The following TOM1L1 variants were observed in gnomAD, a reference collection of about 807,000 sequenced individuals.
TOM1L1 encodes target of myb1 like 1 membrane trafficking protein.
TOM1L1 carries 64 observed loss-of-function variants against 63.4 expected under a neutral mutation model. That is an observed-to-expected ratio of 1.01 (90% CI 0.83 to 1.24). The LOEUF (loss-of-function observed/expected upper bound fraction) is 1.24. Among genes scored for constraint, TOM1L1 ranks in the 50% most tolerant of loss-of-function variants. The pLI is 0.00. For missense variants in TOM1L1, 536 were observed against 567.0 expected (o/e 0.95, Z 0.55); for synonymous variants, 166 against 194.4 (o/e 0.85, Z 1.22).
Position 54,936,653 on chromosome 17 carries a change from A to G in TOM1L1, c.859A>G (p.Thr287Ala). ...GCATTTTGATCATTTAAACAGGTTT[A>G]CTAGAAACCAACAAAGGATTTTGGA... Reference protein sequence around the residue: ...NNAILGYERFTRNQQRILEQN... With the variant: ...NNAILGYERFARNQQRILEQN... Residue 287 changes from threonine to alanine, a missense_variant, in exon 9 of 16, where the codon ACT becomes GCT. Thr to Ala is a moderately conservative substitution (Grantham distance 58). Transcript: ENST00000575882. 1 of 1,604,928 alleles carries G rather than the reference A, an allele frequency of 6.2e-7. No individual in the cohort carries two copies. The highest frequency in any genetic ancestry group is 8.5e-7 in the Non-Finnish European group (1 of 1,177,546).
chr17:54,914,623 T>C lies in TOM1L1; in HGVS notation c.499-16T>C. On this transcript the variant is annotated splice_polypyrimidine_tract_variant and intron_variant, in intron 5 of 15. Transcript: ENST00000575882. ...GTTAATTCACATAATAATATTACCATGTTTCATACTCATAGACTGCTCAAA... is the reference window on the plus strand; with the variant it reads ...GTTAATTCACATAATAATATTACCACGTTTCATACTCATAGACTGCTCAAA... 1.3e-6 allele frequency: 2 copies of C among 1,593,600 alleles called. No individual in the cohort carries two copies. Among genetic ancestry groups the C allele is most frequent in the East Asian group, 2.2e-5 (1 of 44,730 alleles).
rs1198548608 is a variant in TOM1L1 at position 54,900,898 on chromosome 17, C to T, written c.33C>T (p.Tyr11=). Residue 11 remains tyrosine, a synonymous_variant, in exon 1 of 16, where the codon TAC becomes TAT. Transcript: ENST00000575882. MAFGKSHRDP[Y]ATSVGHLIEK... ...TTGGCAAGAGTCACCGGGATCCCTA[C>T]GCGACCTCCGTGGGCCACCTCATAG... 19 of 1,613,712 alleles carry T rather than the reference C, an allele frequency of 1.2e-5. No individual in the cohort carries two copies. Among genetic ancestry groups the T allele is most frequent in the Non-Finnish European group, 1.6e-5 (19 of 1,180,026 alleles).
At chr17:54,936,467 C>T (rs2048948005) in intron 8 of TOM1L1, 182 bp from the exon 9 acceptor site, 2 of 474,576 alleles carry the variant, frequency 4.2e-6, no homozygotes, top group South Asian at 4.8e-5. Context: ...TCACAGTTTT[C>T]TCTGAGGGTA....
intron 8 of TOM1L1, among the ~76,000 whole-genome samples, chr17:54,932,465 G>A (rs972507588): frequency 3.9e-5 from 6 of 152,130 alleles, no homozygotes; most frequent in Non-Finnish European, 8.8e-5. Flanking sequence ...TTCTGCCTTT[G>A]AGTTTTTACT....
intron 14 of TOM1L1, chr17:54,957,257 GAGC>G (rs1174995791): frequency 1.3e-5 from 2 of 152,150 alleles, no homozygotes; most frequent in Non-Finnish European, 2.9e-5. Flanking sequence ...CTTAATTTAT[GAGC>G]AGATGTTAAG....
At chr17:54,945,976 C>A (rs1213571046) in intron 11 of TOM1L1, among the ~76,000 whole-genome samples, 1 of 152,112 alleles carries the variant, frequency 6.6e-6, no homozygotes, top group Non-Finnish European at 1.5e-5. Context: ...TATTAGGAGA[C>A]TCTTGGTCTT....
chr17:54,903,804 A>C lies in TOM1L1; in HGVS notation c.143+12A>C. On this transcript the variant is annotated intron_variant, in intron 2 of 15. Transcript: ENST00000575882. ...ACTACCCAGGATGGGTGAGTACAGC[A>C]TGGTTTCCATGTATTTGCCTCTGAC... 1 of 1,608,846 alleles carries C rather than the reference A, an allele frequency of 6.2e-7. No homozygotes were observed. The highest frequency in any genetic ancestry group is 1.1e-5 in the South Asian group (1 of 90,514).
intron 4 of TOM1L1, 62 bp from the exon 5 acceptor site, chr17:54,913,683 AAAG>A: frequency 4.2e-6 from 6 of 1,429,636 alleles, no homozygotes; most frequent in South Asian, 2.5e-5. Flanking sequence ...AAAAAAAAAA[AAAG>A]AATTGTGTTT....
intron 11 of TOM1L1, among the ~76,000 whole-genome samples, chr17:54,940,108 C>G (rs1010043656): frequency 6.6e-6 from 1 of 152,158 alleles, no homozygotes; most frequent in African/African-American, 2.4e-5. Context: ...GTTGCCCAGG[C>G]TGGTCTCAAA....
In TOM1L1 at chr17:54,903,703, G is replaced by A. The variant is rs752210953; in HGVS notation, c.59-5G>A. ...AGCTCAGACTCAACAGCTTTTTCTT[G>A]GCAGAAAAGGCTACATTTGCTGGAG... On this transcript the variant is annotated splice_polypyrimidine_tract_variant and splice_region_variant and intron_variant, in intron 1 of 15. Transcript: ENST00000575882. 1.2e-6 allele frequency: 2 copies of A among 1,613,150 alleles called. No individual in the cohort carries two copies. The highest frequency in any genetic ancestry group is 1.7e-6 in the Non-Finnish European group (2 of 1,179,184).
intron 4 of TOM1L1, 39 bp from the exon 5 acceptor site, chr17:54,913,709 T>C (rs1391493830): frequency 2.6e-6 from 4 of 1,547,438 alleles, no homozygotes; most frequent in Non-Finnish European, 3.5e-6. Flanking sequence ...GTTTTGTTGC[T>C]GTTTTAACTC....
At chr17:54,922,486 C>G (rs1319552628) in intron 7 of TOM1L1, among the ~76,000 whole-genome samples, 1 of 151,974 alleles carries the variant, frequency 6.6e-6, no homozygotes, top group Non-Finnish European at 1.5e-5. Flanking sequence ...GCCTGTGGTC[C>G]CAGCTACTGG....
rs2048537680 is a variant in TOM1L1, at chr17:54,913,800, T to A, written c.425T>A (p.Val142Glu). 6.2e-7 allele frequency: 1 copy of A among 1,612,436 alleles called. No homozygotes were observed. The highest frequency in any genetic ancestry group is 1.3e-5 in the African/African-American group (1 of 74,818). ...GGVDVSEVKE[V>E]YLDLVKKGVQ... ...GTGGATGTAAGCGAAGTCAAAGAAG[T>A]ATACCTCGACCTGGTTAAGAAAGGC... The change falls in exon 5 of 16, where the codon GTA becomes GAA. Residue 142 changes from valine (V) to glutamate (E), a missense_variant. Transcript: ENST00000575882.
chr17:54,935,709 T>G (rs959224107), intron 8 of TOM1L1, among the ~76,000 whole-genome samples: 3 of 152,194 alleles, frequency 2.0e-5, no homozygotes, highest in Non-Finnish European at 4.4e-5. Context: ...ACTTTGGACT[T>G]TTGCCTTCAA....
intron 3 of TOM1L1, among the ~76,000 whole-genome samples, chr17:54,908,850 T>G (rs1227827039): frequency 1.3e-5 from 2 of 152,204 alleles, no homozygotes; most frequent in East Asian, 3.8e-4. Flanking sequence ...TAGGCCTTTG[T>G]GGAGCACCCC....
chr17:54,958,305 T>C (rs2077003295), intron 14 of TOM1L1: 1 of 152,248 alleles, frequency 6.6e-6, no homozygotes, highest in Non-Finnish European at 1.5e-5. Context: ...TTGATGATTT[T>C]AGTAAAAGCT....
At chr17:54,942,326 C>G (rs1403164039) in intron 11 of TOM1L1, 1 of 148,894 alleles carries the variant, frequency 6.7e-6, no homozygotes, top group Non-Finnish European at 1.5e-5. Context: ...AGGCTGTGGT[C>G]TCAAACTCCT....
intron 11 of TOM1L1, 60 bp from the exon 12 acceptor site, chr17:54,947,197 TCTTA>T: frequency 1.3e-6 from 2 of 1,516,190 alleles, no homozygotes. Flanking sequence ...AGGAAAATTA[TCTTA>T]CTTTTTGCAT....
intron 3 of TOM1L1, among the ~76,000 whole-genome samples, chr17:54,909,195 G>A (rs1027613539): frequency 1.3e-5 from 2 of 152,180 alleles, no homozygotes; most frequent in Non-Finnish European, 2.9e-5. Flanking sequence ...GGAGGCGGAG[G>A]TTGCAGTGAG....
Sources: allele counts gnomAD v4.1 joint callset (sites outside exome capture counted in the v4.1 genomes callset), GRCh38; gene constraint gnomAD v4.1.1; transcripts MANE v1.5; gene names NCBI Gene and HGNC (gene_info 2026-07-23, HGNC 2026-07-21).